Variants in PATJ observed in about 807,000 individuals in gnomAD.
PATJ encodes the protein PATJ crumbs cell polarity complex component.
PATJ carries 190 observed loss-of-function variants against 224.9 expected under a neutral mutation model. The observed-to-expected ratio is 0.84, with a 90% CI of 0.75 to 0.95. The LOEUF (loss-of-function observed/expected upper bound fraction) is 0.95, where lower values mean the gene tolerates loss of function less well. PATJ is among the 40% of genes least tolerant of loss of function. The pLI is 0.00. For synonymous variants in PATJ, 769 were observed against 820.3 expected (o/e 0.94, Z 1.07); for missense variants, 2,121 against 2,270.3 (o/e 0.93, Z 1.34).
At chr1:62,026,812 A>G (rs952117220) in intron 29 of PATJ, among the ~76,000 whole-genome samples, 6 of 152,188 alleles carry the variant, frequency 3.9e-5, no homozygotes, top group African/African-American at 1.4e-4. Context: ...TTGCAATGAA[A>G]TAAACATAAC....
intron 29 of PATJ, among the ~76,000 whole-genome samples, chr1:62,035,616 T>G (rs1369225453): frequency 3.1e-5 from 4 of 130,574 alleles, no homozygotes; most frequent in East Asian, 2.6e-4. Context: ...CATTCATTCA[T>G]TTTTTTTTTT....
At chr1:61,896,995 G>A (rs757310654) in intron 22 of PATJ, among the ~76,000 whole-genome samples, 1 of 152,084 alleles carries the variant, frequency 6.6e-6, no homozygotes, top group African/African-American at 2.4e-5. Context: ...TACAATCTAA[G>A]TGCATAATAT....
At chr1:61,842,541 G>A (rs935317799) in intron 17 of PATJ, among the ~76,000 whole-genome samples, 2 of 152,130 alleles carry the variant, frequency 1.3e-5, no homozygotes, top group Non-Finnish European at 2.9e-5. Context: ...TGAATCTACT[G>A]TATTACCTTT....
intron 26 of PATJ, among the ~76,000 whole-genome samples, chr1:61,914,984 C>G (rs1673247108): frequency 6.6e-6 from 1 of 152,136 alleles, no homozygotes; most frequent in African/African-American, 2.4e-5. Context: ...TCTTGCTGCT[C>G]TCGCCTGGAA....
chr1:61,881,298 A>G (rs1012782982), intron 21 of PATJ, among the ~76,000 whole-genome samples: 2 of 151,866 alleles, frequency 1.3e-5, no homozygotes, highest in Non-Finnish European at 2.9e-5. Context: ...AGCTGTGGGG[A>G]CTTTGTGTGC....
At chr1:61,863,333 G>A (rs775443572) in intron 19 of PATJ, among the ~76,000 whole-genome samples, 3 of 152,102 alleles carry the variant, frequency 2.0e-5, no homozygotes, top group Non-Finnish European at 2.9e-5. Flanking sequence ...ACCATGCCCA[G>A]CCCTACTGTG....
rs774889311 is a variant in PATJ, at chr1:61,990,186, A to T, written c.3689A>T (p.Tyr1230Phe). The change falls in exon 28 of 44, where the codon TAT becomes TTT. Residue 1230 changes from tyrosine (Y) to phenylalanine (F), a missense_variant. Coordinates refer to ENST00000642238, the MANE Select transcript of PATJ (RefSeq NM_001350145.3). The part of the protein sequence containing the change: ...AFTDQKIRQR[Y>F]ADLPGELHII... ...TTAATAGAAAAAATCAGACAAAGAT[A>T]TGCAGATCTGCCTGGAGAACTGCAC... 2.1e-5 allele frequency: 34 copies of T among 1,605,036 alleles called. No individual in the cohort carries two copies. The Admixed American group carries it at 5.9e-4, about 28-fold the overall frequency.
At chr1:62,136,491 G>A (rs1558219585) in intron 41 of PATJ, among the ~76,000 whole-genome samples, 1 of 151,780 alleles carries the variant, frequency 6.6e-6, no homozygotes, top group Non-Finnish European at 1.5e-5. Context: ...GTGTGTGTGT[G>A]TGTGTGTGTG....
intron 37 of PATJ, chr1:62,120,865 G>A (rs773785200): frequency 1.9e-4 from 51 of 275,646 alleles, no homozygotes; most frequent in Non-Finnish European, 2.9e-4. Flanking sequence ...ACACTATGTG[G>A]CAACCTAGGA....
chr1:61,942,468 G>C (rs1272636361), intron 27 of PATJ, among the ~76,000 whole-genome samples: 2 of 151,822 alleles, frequency 1.3e-5, no homozygotes, highest in Non-Finnish European at 1.5e-5. Context: ...AATGCAAAAT[G>C]ATAGACAGTA....
Position 61,861,284 on chromosome 1 carries a change from C to CTTTTTT in PATJ, c.2323-249_2323-244dup. On this transcript the variant is annotated intron_variant, in intron 18 of 43. Transcript: ENST00000642238. ...TGAAACCAGGATATTTTCTTTCTTTCTTTTTTTTTTTTTTTTTTTTTTTAC... is the reference window on the plus strand; with the variant it reads ...TGAAACCAGGATATTTTCTTTCTTTCTTTTTTTTTTTTTTTTTTTTTTTTTTTTTAC... 6.5e-3 allele frequency among the ~76,000 whole-genome samples: 319 copies of CTTTTTT among 48,818 alleles called. 11 individuals are homozygous for CTTTTTT. The highest frequency in any genetic ancestry group is 0.018 in the African/African-American group (300 of 16,250). The allele number at this position is 48,818 out of a possible 152,430, so 32.0% of individuals were successfully genotyped here.
intron 31 of PATJ, among the ~76,000 whole-genome samples, chr1:62,051,302 T>G (rs989156974): frequency 2.0e-5 from 3 of 152,058 alleles, no homozygotes; most frequent in Non-Finnish European, 4.4e-5. Context: ...TCTTTTTTTT[T>G]GTTTTTGTTT....
intron 21 of PATJ, among the ~76,000 whole-genome samples, chr1:61,877,711 G>C (rs1307253185): frequency 6.6e-6 from 1 of 152,138 alleles, no homozygotes; most frequent in Admixed American, 6.5e-5. Flanking sequence ...TACAGCCTGT[G>C]GAACTGTGAG....
intron 43 of PATJ, among the ~76,000 whole-genome samples, chr1:62,154,683 T>G (rs557331625): frequency 1.1e-4 from 17 of 150,118 alleles, no homozygotes; most frequent in East Asian, 2.0e-4. Flanking sequence ...GAGAGAGAGA[T>G]AAAGGTCTTT....
intron 15 of PATJ, among the ~76,000 whole-genome samples, chr1:61,824,233 CT>C (rs11300876): frequency 0.81 from 114,786 of 141,622 alleles, 47,125 homozygotes; most frequent in East Asian, 0.99. Flanking sequence ...ATTTAATTCA[CT>C]TTTTTTTTTT....
At chr1:61,927,939 G>T in intron 27 of PATJ, 110 bp downstream of exon 27, 2 of 743,394 alleles carry the variant, frequency 2.7e-6, no homozygotes, top group South Asian at 4.1e-5. Flanking sequence ...AAATGTGCAT[G>T]AATGTATGCT....
chr1:61,986,297 A>G (rs1557994391), intron 27 of PATJ, among the ~76,000 whole-genome samples: 1 of 152,190 alleles, frequency 6.6e-6, no homozygotes, highest in African/African-American at 2.4e-5. Flanking sequence ...TTTTTGAGAA[A>G]TGTGTCTACA....
chr1:62,140,156 C>T (rs1449618757), intron 41 of PATJ, among the ~76,000 whole-genome samples: 1 of 152,118 alleles, frequency 6.6e-6, no homozygotes, highest in African/African-American at 2.4e-5. Flanking sequence ...CATTCAGCCC[C>T]TTGGATTCCA....
At chr1:61,867,130 T>C (rs1665554044) in intron 20 of PATJ, among the ~76,000 whole-genome samples, 1 of 152,218 alleles carries the variant, frequency 6.6e-6, no homozygotes, top group South Asian at 2.1e-4. Flanking sequence ...TCCTGTGACT[T>C]AGAATGCCTT....
Sources: gnomAD v4.1 joint callset for allele counts (sites outside exome capture counted in the v4.1 genomes callset) on GRCh38, gnomAD v4.1.1 for gene constraint, MANE v1.5 for transcripts, NCBI Gene and HGNC (gene_info 2026-07-23, HGNC 2026-07-21) for gene names.